LPP: variants seen among roughly 807,000 people sequenced by gnomAD.
LPP encodes the protein lipoma-preferred partner.
Under a neutral mutation model 60.4 loss-of-function variants are expected in LPP, and 38 were observed. That is an observed-to-expected ratio of 0.63 (90% CI 0.49 to 0.83). The LOEUF (loss-of-function observed/expected upper bound fraction) is 0.83, where lower values mean the gene tolerates loss of function less well. LPP is among the 40% of genes least tolerant of loss of function. The pLI, the probability that LPP is intolerant of heterozygous loss-of-function variation, is 0.00. For missense variants in LPP, 902 were observed against 783.6 expected, an observed-to-expected ratio of 1.15 and a Z score of -1.80; for synonymous variants, 328 against 290.8, an observed-to-expected ratio of 1.13 and a Z score of -1.30.
At chr3:188,587,513 C>A (rs1837735968) in intron 6 of LPP, among the ~76,000 whole-genome samples, 1 of 152,144 alleles carries the variant, frequency 6.6e-6, no homozygotes, top group Admixed American at 6.5e-5. Context: ...CATAATGCAT[C>A]TTTAATTAAA....
chr3:188,602,029 C>G (rs2151224766), intron 6 of LPP, among the ~76,000 whole-genome samples: 1 of 149,248 alleles, frequency 6.7e-6, no homozygotes, highest in South Asian at 2.1e-4. Flanking sequence ...GATAGTGCCA[C>G]TGCACTCCAG....
intron 9 of LPP, among the ~76,000 whole-genome samples, chr3:188,825,498 TC>T (rs1755221838): frequency 6.6e-6 from 1 of 152,062 alleles, no homozygotes; most frequent in Admixed American, 6.6e-5. Context: ...GCTCTTGCTC[TC>T]CCAAGACAGG....
chr3:188,507,001 G>T (rs941131479), intron 5 of LPP, among the ~76,000 whole-genome samples: 2 of 152,048 alleles, frequency 1.3e-5, no homozygotes, highest in Non-Finnish European at 2.9e-5. Context: ...GTTTCACTGT[G>T]TTAGTCAGGA....
intron 5 of LPP, among the ~76,000 whole-genome samples, chr3:188,485,732 G>C (rs1487329622): frequency 7.3e-6 from 1 of 137,118 alleles, no homozygotes; most frequent in Non-Finnish European, 1.5e-5. Context: ...GGGAGGCAGA[G>C]CTTGCAGTGA....
At chr3:188,735,434 T>A (rs997290212) in intron 8 of LPP, among the ~76,000 whole-genome samples, 6 of 152,062 alleles carry the variant, frequency 3.9e-5, no homozygotes, top group Non-Finnish European at 5.9e-5. Context: ...CAGGCTGGAG[T>A]GCAATGGTGC....
intron 3 of LPP, among the ~76,000 whole-genome samples, chr3:188,402,729 T>C (rs954689720): frequency 2.6e-5 from 4 of 152,230 alleles, no homozygotes; most frequent in African/African-American, 9.6e-5. Flanking sequence ...GCCGGTATAG[T>C]GAGACTAGTT....
At chr3:188,320,653 C>T (rs1756660388) in intron 2 of LPP, among the ~76,000 whole-genome samples, 1 of 152,152 alleles carries the variant, frequency 6.6e-6, no homozygotes, top group African/African-American at 2.4e-5. Flanking sequence ...AATTCTTTTT[C>T]ATTTGACAAG....
At chr3:188,561,114 A>G (rs1301735004) in intron 6 of LPP, among the ~76,000 whole-genome samples, 1 of 152,114 alleles carries the variant, frequency 6.6e-6, no homozygotes, top group East Asian at 1.9e-4. Flanking sequence ...CTTGCATGAG[A>G]ATGAAATTGA....
At chr3:188,351,634 C>T (rs1765870561) in intron 3 of LPP, among the ~76,000 whole-genome samples, 2 of 152,152 alleles carry the variant, frequency 1.3e-5, no homozygotes, top group Admixed American at 1.3e-4. Context: ...GCTAGAATTC[C>T]CATTCCTCCA....
intron 1 of LPP, among the ~76,000 whole-genome samples, chr3:188,214,838 A>G (rs1439421939): frequency 6.6e-6 from 1 of 152,240 alleles, no homozygotes; most frequent in Non-Finnish European, 1.5e-5. Flanking sequence ...TAATACTCTG[A>G]ATAAGGACAG....
intron 5 of LPP, among the ~76,000 whole-genome samples, chr3:188,500,635 A>T (rs1322720639): frequency 2.0e-5 from 3 of 152,232 alleles, no homozygotes; most frequent in African/African-American, 7.2e-5. Flanking sequence ...AATTGTTGTT[A>T]GTTCATGTAT....
chr3:188,186,278 C>G (rs1301376526), intron 1 of LPP, among the ~76,000 whole-genome samples: 1 of 152,100 alleles, frequency 6.6e-6, no homozygotes, highest in Non-Finnish European at 1.5e-5. Context: ...TTTACATTTT[C>G]AAGTTTTCAT....
chr3:188,195,667 A>T (rs1489679866), intron 1 of LPP, among the ~76,000 whole-genome samples: 1 of 152,252 alleles, frequency 6.6e-6, no homozygotes, highest in African/African-American at 2.4e-5. Flanking sequence ...AAGGCTTAGT[A>T]TAAAAAGTAA....
chr3:188,642,319 A>G (rs1850308718), intron 7 of LPP, among the ~76,000 whole-genome samples: 1 of 152,208 alleles, frequency 6.6e-6, no homozygotes, highest in African/African-American at 2.4e-5. Flanking sequence ...GCTCAGCATA[A>G]TGTTAGAGAA....
intron 1 of LPP, among the ~76,000 whole-genome samples, chr3:188,213,961 A>AACACACACAC (rs59389556): frequency 0.1 from 13,546 of 130,232 alleles, 937 homozygotes; most frequent in Non-Finnish European, 0.13. Flanking sequence ...TTAGATTTTA[A>AACACACACAC]ACACACACAC....
intron 8 of LPP, among the ~76,000 whole-genome samples, chr3:188,723,575 C>G (rs1360426669): frequency 1.3e-5 from 2 of 152,090 alleles, no homozygotes; most frequent in African/African-American, 4.8e-5. Flanking sequence ...GAAACCTGGA[C>G]AGGACTGAAT....
intron 3 of LPP, among the ~76,000 whole-genome samples, chr3:188,385,608 C>A (rs1471234463): frequency 6.6e-6 from 1 of 152,202 alleles, no homozygotes; most frequent in Non-Finnish European, 1.5e-5. Context: ...AGCTACATAT[C>A]TCTGCAGATT....
chr3:188,493,401 C>T (rs1226899814), intron 5 of LPP, among the ~76,000 whole-genome samples: 1 of 152,048 alleles, frequency 6.6e-6, no homozygotes, highest in African/African-American at 2.4e-5. Flanking sequence ...AGACACAGCT[C>T]GCTTTTTACC....
At chr3:188,318,259 A>G (rs1755697679) in intron 2 of LPP, among the ~76,000 whole-genome samples, 1 of 152,196 alleles carries the variant, frequency 6.6e-6, no homozygotes, top group Non-Finnish European at 1.5e-5. Flanking sequence ...TTCAGGAGGA[A>G]TTCTGATAAG....
Sources: allele counts gnomAD v4.1 joint callset (sites outside exome capture counted in the v4.1 genomes callset), GRCh38; gene constraint gnomAD v4.1.1; transcripts MANE v1.5; gene names NCBI Gene and HGNC (gene_info 2026-07-23, HGNC 2026-07-21).